Variants in SV2C observed in about 807,000 individuals in gnomAD.
SV2C encodes synaptic vesicle glycoprotein 2C, also known as solute carrier family 22 member B3.
Under a neutral mutation model 79.7 loss-of-function variants are expected in SV2C, and 49 were observed. That is an observed-to-expected ratio of 0.61 (90% CI 0.49 to 0.78). The LOEUF (loss-of-function observed/expected upper bound fraction) is 0.78, where lower values mean the gene tolerates loss of function less well. Ranked by LOEUF, SV2C falls within the 30% of genes least tolerant of loss-of-function variation. The pLI is 0.00. For synonymous variants in SV2C, 334 were observed against 333.2 expected, an observed-to-expected ratio of 1.00 and a Z score of -0.03; for missense variants, 833 against 912.9, an observed-to-expected ratio of 0.91 and a Z score of 1.13.
the SV2C span, among the ~76,000 whole-genome samples, chr5:75,886,162 G>C: frequency 6.6e-6 from 1 of 152,118 alleles, no homozygotes; most frequent in African/African-American, 2.4e-5. Context: ...ACTCTACTGA[G>C]AGCTGTCATT....
At chr5:76,054,723 T>C in the SV2C span, among the ~76,000 whole-genome samples, 1 of 152,240 alleles carries the variant, frequency 6.6e-6, no homozygotes, top group African/African-American at 2.4e-5. Context: ...GTGGTTCTGA[T>C]TTGCATTTCT....
chr5:75,887,631 C>G, the SV2C span, among the ~76,000 whole-genome samples: 2 of 152,022 alleles, frequency 1.3e-5, no homozygotes, highest in African/African-American at 4.8e-5. Context: ...CTCATTCAGT[C>G]AAATTGATAT....
At chr5:75,950,749 T>A in the SV2C span, among the ~76,000 whole-genome samples, 1 of 151,326 alleles carries the variant, frequency 6.6e-6, no homozygotes, top group Non-Finnish European at 1.5e-5. Flanking sequence ...GTGGCTTAAG[T>A]CTATGAAGAC....
At chr5:76,118,511 A>T (rs1284185448) in intron 1 of SV2C, among the ~76,000 whole-genome samples, 1 of 152,244 alleles carries the variant, frequency 6.6e-6, no homozygotes, top group African/African-American at 2.4e-5. Flanking sequence ...GACATGTTCA[A>T]CTTCACCAAT....
the SV2C span, among the ~76,000 whole-genome samples, chr5:75,940,416 T>C: frequency 2.0e-5 from 3 of 151,438 alleles, no homozygotes; most frequent in African/African-American, 7.3e-5. Context: ...ATTGAAGTGA[T>C]AATTGGCATT....
At chr5:76,340,869 C>T (rs752241873) in intron 12 of SV2C, among the ~76,000 whole-genome samples, 1 of 151,654 alleles carries the variant, frequency 6.6e-6, no homozygotes, top group African/African-American at 2.4e-5. Flanking sequence ...CTCAGCCTTC[C>T]AAAGTACTGG....
upstream of SV2C, chr5:76,083,254 C>T (rs970565066): frequency 2.0e-5 from 3 of 152,584 alleles, no homozygotes; most frequent in Admixed American, 2.0e-4. Context: ...GGTACTCTCG[C>T]CACGCCGCCG....
At chr5:75,877,514 A>AT in the SV2C span, among the ~76,000 whole-genome samples, 1 of 151,916 alleles carries the variant, frequency 6.6e-6, no homozygotes, top group East Asian at 1.9e-4. Context: ...ATGTTGGATC[A>AT]TTTTTTAAAA....
intron 2 of SV2C, among the ~76,000 whole-genome samples, chr5:76,176,520 C>G (rs544893885): frequency 6.6e-6 from 1 of 152,154 alleles, no homozygotes; most frequent in Non-Finnish European, 1.5e-5. Context: ...AATCACCCAC[C>G]ACCACCACCC....
At chr5:76,187,179 T>C (rs1743947492) in intron 2 of SV2C, among the ~76,000 whole-genome samples, 1 of 152,228 alleles carries the variant, frequency 6.6e-6, no homozygotes, top group Non-Finnish European at 1.5e-5. Context: ...GAGCCATACA[T>C]GCACAAAACA....
intron 2 of SV2C, among the ~76,000 whole-genome samples, chr5:76,166,547 C>T (rs1279270801): frequency 6.6e-6 from 1 of 152,214 alleles, no homozygotes; most frequent in African/African-American, 2.4e-5. Context: ...ATAAAGCTAC[C>T]TTTGTAGATG....
chr5:75,896,724 C>T, the SV2C span, among the ~76,000 whole-genome samples: 3 of 150,312 alleles, frequency 2.0e-5, no homozygotes, highest in African/African-American at 7.5e-5. Context: ...TCCTCTCCAG[C>T]ACCTGTTGTT....
Position 76,128,522 on chromosome 5 carries a change from G to A in SV2C, c.-101-3128G>A, listed in dbSNP as rs74788874. ...TGAAGATAAGGGGTAAGGCTTTGGGGTCAGACACATTTGAGCTTGAGTCCG... is the reference window on the plus strand; with the variant it reads ...TGAAGATAAGGGGTAAGGCTTTGGGATCAGACACATTTGAGCTTGAGTCCG... On this transcript the variant is annotated intron_variant, in intron 1 of 12. Coordinates refer to ENST00000502798, the MANE Select transcript of SV2C (RefSeq NM_014979.4). Among the ~76,000 whole-genome samples the A allele has an allele frequency of 4.3e-3, 662 of 152,316 alleles. 4 individuals are homozygous for A. The highest frequency in any genetic ancestry group is 0.038 in the South Asian group (183 of 4,832).
At chr5:76,254,184 G>GTGTGTATATATATA (rs2112444543) in intron 4 of SV2C, among the ~76,000 whole-genome samples, 1 of 150,036 alleles carries the variant, frequency 6.7e-6, no homozygotes, top group African/African-American at 2.5e-5. Context: ...ATATATATGT[G>GTGTGTATATATATA]TGTGTGTATA....
At chr5:76,028,841 A>G in the SV2C span, among the ~76,000 whole-genome samples, 1 of 152,244 alleles carries the variant, frequency 6.6e-6, no homozygotes, top group African/African-American at 2.4e-5. Context: ...AGTTGTGACA[A>G]CCAAAAATGT....
chr5:76,085,240 C>T (rs1179069079), intron 1 of SV2C, among the ~76,000 whole-genome samples: 2 of 152,140 alleles, frequency 1.3e-5, no homozygotes, highest in African/African-American at 4.8e-5. Flanking sequence ...AGTGCCAACC[C>T]GTTGCGCCAC....
At chr5:75,933,852 ATC>A in the SV2C span, among the ~76,000 whole-genome samples, 1 of 152,182 alleles carries the variant, frequency 6.6e-6, no homozygotes, top group African/African-American at 2.4e-5. Flanking sequence ...TCACCACTGT[ATC>A]TAGCTTCAGG....
chr5:76,247,457 AGT>A (rs1335730586), intron 4 of SV2C, among the ~76,000 whole-genome samples: 1 of 152,238 alleles, frequency 6.6e-6, no homozygotes, highest in Non-Finnish European at 1.5e-5. Context: ...GATACTGTGA[AGT>A]GTGAATGAGA....
the SV2C span, among the ~76,000 whole-genome samples, chr5:75,871,157 G>T: frequency 1.3e-5 from 2 of 152,134 alleles, no homozygotes; most frequent in African/African-American, 4.8e-5. Context: ...TGATCATCTA[G>T]ATAGATGCAA....
Sources: allele counts gnomAD v4.1 joint callset (sites outside exome capture counted in the v4.1 genomes callset), GRCh38; gene constraint gnomAD v4.1.1; transcripts MANE v1.5; gene names NCBI Gene and HGNC (gene_info 2026-07-23, HGNC 2026-07-21).